Variants in MGAM observed in about 807,000 individuals in gnomAD.
The protein encoded by MGAM is maltase-glucoamylase.
In MGAM, 253 loss-of-function variants were observed where a neutral mutation model predicts 358.8. The observed-to-expected ratio is 0.71, with a 90% CI of 0.64 to 0.78. The LOEUF (loss-of-function observed/expected upper bound fraction) is 0.78, where lower values mean the gene tolerates loss of function less well. MGAM is among the 30% of genes least tolerant of loss of function. The pLI is 0.00. For synonymous variants in MGAM, 1,105 were observed against 1,227.1 expected (o/e 0.90, Z 2.08); for missense variants, 3,080 against 3,432.6 (o/e 0.90, Z 2.57).
At chr7:142,092,418 G>A (rs1815478802) in intron 58 of MGAM, 103 bp from the exon 59 acceptor site, 2 of 1,172,156 alleles carry the variant, frequency 1.7e-6, no homozygotes, top group Non-Finnish European at 2.4e-6. Flanking sequence ...CATCTATAGG[G>A]ATTACTGGAT....
intron 3 of MGAM, among the ~76,000 whole-genome samples, chr7:142,011,860 T>G (rs1434735702): frequency 1.3e-5 from 2 of 152,190 alleles, no homozygotes; most frequent in African/African-American, 4.8e-5. Context: ...TTAAAAAGTC[T>G]TTGCTGTTAG....
chr7:142,061,878 A>G (rs1812237015), intron 34 of MGAM, among the ~76,000 whole-genome samples: 1 of 152,240 alleles, frequency 6.6e-6, no homozygotes, highest in Non-Finnish European at 1.5e-5. Flanking sequence ...TCAGAAGGAT[A>G]TAAAACAAAC....
chr7:142,081,666 A>G (rs894952660), intron 50 of MGAM, among the ~76,000 whole-genome samples: 2 of 145,934 alleles, frequency 1.4e-5, no homozygotes, highest in African/African-American at 4.9e-5. Flanking sequence ...AGAAGCACAA[A>G]TGGGAGTGAC....
At chr7:141,990,738 A>G (rs1334006461) in intron 2 of MGAM, among the ~76,000 whole-genome samples, 1 of 152,032 alleles carries the variant, frequency 6.6e-6, no homozygotes, top group Non-Finnish European at 1.5e-5. Flanking sequence ...TGTGCAGGTT[A>G]GTTACATATG....
At chr7:142,050,906 C>T in intron 24 of MGAM, 42 bp downstream of exon 24, 1 of 1,612,158 alleles carries the variant, frequency 6.2e-7, no homozygotes, top group Middle Eastern at 1.7e-4. Context: ...GAGAATTCTC[C>T]ATAGCATCGT....
intron 49 of MGAM, 66 bp from the exon 50 acceptor site, chr7:142,080,725 G>T: frequency 2.2e-6 from 3 of 1,347,060 alleles, no homozygotes; most frequent in Non-Finnish European, 2.0e-6. Flanking sequence ...AAATCAAAAA[G>T]GTTCTGCTAA....
At chr7:142,088,747 G>GTCTATCTATCTATCTA (rs60202972) in intron 57 of MGAM, among the ~76,000 whole-genome samples, 6 of 93,518 alleles carry the variant, frequency 6.4e-5, no homozygotes, top group South Asian at 3.5e-4. Context: ...CTGTCTGTCT[G>GTCTATCTATCTATCTA]TCTATCTATC....
At chr7:141,995,170 C>A (rs539038294), upstream of MGAM, among the ~76,000 whole-genome samples, 9 of 151,944 alleles carry the variant, frequency 5.9e-5, no homozygotes, top group South Asian at 1.9e-3. Flanking sequence ...TTTCCCTTGA[C>A]TCCAAGTTTA....
At chr7:142,084,855 C>A (rs555123728) in intron 54 of MGAM, among the ~76,000 whole-genome samples, 1 of 146,504 alleles carries the variant, frequency 6.8e-6, no homozygotes, top group Non-Finnish European at 1.5e-5. Context: ...CTGTGATTTC[C>A]CAGAGGGGGA....
rs138793055 is a variant in MGAM, at chr7:142,014,290, GTC to G, written c.328-4905_328-4904del. Among the ~76,000 whole-genome samples, 1,142 of 152,242 alleles carry G rather than the reference GTC, an allele frequency of 7.5e-3. 5 individuals carry two copies. Among genetic ancestry groups the G allele is most frequent in the South Asian group, 0.015 (72 of 4,830 alleles). ...TTTGGCAAAATATGGAATGTTTTCA[GTC>G]TCTGTTTTTATATTGTTAGGCATGA... On this transcript the variant is annotated intron_variant, in intron 3 of 70. Coordinates refer to ENST00000475668, the MANE Select transcript of MGAM (RefSeq NM_001365693.1).
At chr7:142,027,021 C>A in intron 8 of MGAM, 94 bp from the exon 9 acceptor site, 1 of 951,954 alleles carries the variant, frequency 1.1e-6, no homozygotes, top group Non-Finnish European at 1.7e-6. Flanking sequence ...TGTTAATGTT[C>A]ACATGGTTAG....
intron 19 of MGAM, among the ~76,000 whole-genome samples, chr7:142,039,122 T>TC (rs1808275959): frequency 1.3e-5 from 2 of 149,348 alleles, no homozygotes; most frequent in African/African-American, 5.0e-5. Flanking sequence ...TTTTTTTTTT[T>TC]TGAGATGGAG....
In MGAM at chr7:142,050,813, T is replaced by A. The variant is rs145430437; in HGVS notation, c.2754T>A (p.Asn918Lys). Reference protein sequence around the residue: ...EEPSNVTVKHNGVPSQTSPTV... With the variant: ...EEPSNVTVKHKGVPSQTSPTV... The stretch of plus-strand genomic sequence containing the variant: ...CTAGCAATGTTACAGTGAAACACAA[T>A]GGTGTCCCAAGTCAGACTTCTCCTA... The change falls in exon 24 of 71, where the codon AAT becomes AAA. Residue 918 changes from asparagine to lysine, a missense_variant. By Grantham distance (94) the Asn-to-Lys change is moderately conservative (BLOSUM62 0). Transcript: ENST00000475668. 1.9e-3 allele frequency: 2,989 copies of A among 1,613,762 alleles called. 61 individuals are homozygous for A. In the African/African-American group the frequency reaches 0.036, roughly 19 times the overall value.
chr7:142,059,391 C>T, intron 31 of MGAM, 81 bp from the exon 32 acceptor site: 5 of 1,540,588 alleles, frequency 3.2e-6, no homozygotes, highest in Admixed American at 2.0e-5. Flanking sequence ...GGAATTCCAC[C>T]ATGGGTGGTG....
chr7:142,061,011 T>C (rs11772559), intron 34 of MGAM, among the ~76,000 whole-genome samples: 36,518 of 151,968 alleles, frequency 0.24, 4,399 homozygotes, highest in Middle Eastern at 0.44. Flanking sequence ...TGGACCTGAA[T>C]TTTTTTCCCG....
At chr7:142,066,539 G>A (rs775160899) in intron 40 of MGAM, 34 bp from the exon 41 acceptor site, 2 of 1,548,372 alleles carry the variant, frequency 1.3e-6, no homozygotes, top group African/African-American at 2.7e-5. Flanking sequence ...AAATTCCAGG[G>A]CGAGCTCCCA....
intron 21 of MGAM, 149 bp from the exon 22 acceptor site, chr7:142,047,636 C>T: frequency 1.0e-5 from 7 of 697,318 alleles, no homozygotes; most frequent in Non-Finnish European, 1.7e-5. Flanking sequence ...GATAGGGGCG[C>T]CTGTCAATTT....
chr7:142,034,324 A>G lies in MGAM; in HGVS notation c.1732A>G (p.Lys578Glu). The stretch of plus-strand genomic sequence containing the variant: ...TATGGATGCAGTGCAGCACTGGGGC[A>G]AGCAGTATGACATTCACAATCTGTA... ...LCMDAVQHWG[K>E]QYDIHNLYGY... The change falls in exon 15 of 71, where the codon AAG (lysine) becomes GAG (glutamate). Residue 578 changes from lysine (K) to glutamate (E), a missense_variant. Transcript: ENST00000475668. 1 of 1,598,286 alleles carries G rather than the reference A, an allele frequency of 6.3e-7. No individual in the cohort carries two copies. Among genetic ancestry groups the G allele is most frequent in the East Asian group, 2.3e-5 (1 of 44,146 alleles).
intron 34 of MGAM, 85 bp downstream of exon 34, chr7:142,060,458 G>T: frequency 1.3e-6 from 2 of 1,486,708 alleles, no homozygotes; most frequent in Non-Finnish European, 1.9e-6. Context: ...TGCCTGTACC[G>T]TGGACATGGG....
Sources: allele counts gnomAD v4.1 joint callset (sites outside exome capture counted in the v4.1 genomes callset), GRCh38; gene constraint gnomAD v4.1.1; transcripts MANE v1.5; gene names NCBI Gene and HGNC (gene_info 2026-07-23, HGNC 2026-07-21).